The following TANC2 variants were observed in gnomAD, a reference collection of about 807,000 sequenced individuals.
The protein encoded by TANC2 is protein TANC2.
In TANC2, 26 loss-of-function variants were observed where a neutral mutation model predicts 210.5. The ratio of observed to expected loss-of-function variants is 0.12; its 90% CI spans 0.09 to 0.17. The LOEUF is 0.17. TANC2 is among the 10% of genes least tolerant of loss of function. TANC2 has a pLI of 1.00. For synonymous variants in TANC2, 931 were observed against 967.1 expected, an observed-to-expected ratio of 0.96 and a Z score of 0.69; for missense variants, 2,129 against 2,608.9, an observed-to-expected ratio of 0.82 and a Z score of 4.01.
In TANC2 at chr17:63,168,809, C is replaced by T. The variant is rs576431592; in HGVS notation, c.433+17429C>T. 1.1e-4 allele frequency among the ~76,000 whole-genome samples: 17 copies of T among 152,118 alleles called. 1 individual carries two copies. In the South Asian group the frequency reaches 2.7e-3, roughly 24 times the overall value. ...TGGAGAGTGGGAGAATGAAAATATC[C>T]GTTACTCACTTACTGTTAAAACATA... is the stretch of plus-strand genomic sequence containing the variant. On this transcript the variant is annotated intron_variant, in intron 5 of 27. Transcript: ENST00000689528.
rs1031992264 is a variant in TANC2, at chr17:63,420,208, A to T, written c.4478A>T (p.Asp1493Val). ...CATGAAGACATATACTCTGTACAGG[A>T]TATATTCGAGGAGGAGTACCTGGAA... Residue 1493 changes from aspartate to valine, a missense_variant, in exon 28 of 28, where the codon GAT becomes GTT. Coordinates refer to ENST00000689528, the Ensembl canonical transcript of TANC2. The surrounding 1 kb of genome is among the most constrained non-coding windows in gnomAD (Gnocchi z 4.2). The T allele has an allele frequency of 6.2e-7, 1 of 1,606,142 alleles. No homozygotes were observed. The highest frequency in any genetic ancestry group is 1.3e-5 in the African/African-American group (1 of 74,772).
chr17:63,132,559 A>G (rs1001146058), intron 4 of TANC2, among the ~76,000 whole-genome samples: 6 of 151,960 alleles, frequency 3.9e-5, no homozygotes, highest in Non-Finnish European at 7.4e-5. Flanking sequence ...CTCTTTTTTC[A>G]TGGTTTACTT....
intron 3 of TANC2, among the ~76,000 whole-genome samples, chr17:63,075,527 A>G (rs2036539463): frequency 6.7e-6 from 1 of 149,876 alleles, no homozygotes; most frequent in Non-Finnish European, 1.5e-5. Flanking sequence ...TATTCAAAAG[A>G]AATATATATA....
intron 2 of TANC2, among the ~76,000 whole-genome samples, chr17:63,052,395 A>T (rs928868793): frequency 3.9e-5 from 6 of 152,204 alleles, no homozygotes; most frequent in African/African-American, 1.4e-4. Context: ...ATTTCATTAT[A>T]CAGTCAAGTG....
chr17:63,241,809 A>G (rs1333873514), intron 8 of TANC2, among the ~76,000 whole-genome samples: 1 of 152,260 alleles, frequency 6.6e-6, no homozygotes, highest in Non-Finnish European at 1.5e-5. Context: ...TGAATTACAT[A>G]GAGCATCAGA....
chr17:63,192,646 T>C (rs922394942), intron 5 of TANC2, among the ~76,000 whole-genome samples: 18 of 152,190 alleles, frequency 1.2e-4, no homozygotes, highest in African/African-American at 3.4e-4. Flanking sequence ...ACTGGTTTTA[T>C]TACTTTGAGC....
At chr17:63,320,687 C>A (rs2045467683) in intron 11 of TANC2, among the ~76,000 whole-genome samples, 1 of 152,160 alleles carries the variant, frequency 6.6e-6, no homozygotes, top group Admixed American at 6.5e-5. Context: ...TGATACTATT[C>A]TTATTCCTAA....
At chr17:63,090,219 T>C (rs1253211286) in intron 3 of TANC2, among the ~76,000 whole-genome samples, 1 of 151,658 alleles carries the variant, frequency 6.6e-6, no homozygotes, top group Non-Finnish European at 1.5e-5. Flanking sequence ...TTTTGAGTTT[T>C]TTTTTTTTTG....
intron 9 of TANC2, among the ~76,000 whole-genome samples, chr17:63,299,862 C>G (rs2146480579): frequency 6.6e-6 from 1 of 152,228 alleles, no homozygotes; most frequent in East Asian, 1.9e-4. Flanking sequence ...TTGCCCATGC[C>G]TATGTCCTGA....
At chr17:63,348,155 T>A (rs965087743) in intron 12 of TANC2, among the ~76,000 whole-genome samples, 30 of 152,260 alleles carry the variant, frequency 2.0e-4, no homozygotes, top group African/African-American at 6.7e-4. Flanking sequence ...CTGATATGAG[T>A]CTTCTTTTTC....
intron 1 of TANC2, among the ~76,000 whole-genome samples, chr17:62,980,402 T>C (rs907011807): frequency 6.6e-6 from 1 of 152,222 alleles, no homozygotes; most frequent in Admixed American, 6.5e-5. Flanking sequence ...TTAGAAACTT[T>C]TTGAGTGCTG....
At chr17:63,172,923 G>A (rs1478678021) in intron 5 of TANC2, among the ~76,000 whole-genome samples, 2 of 152,070 alleles carry the variant, frequency 1.3e-5, no homozygotes, top group African/African-American at 4.8e-5. Flanking sequence ...ATATCTTTTA[G>A]TGGTTTTTGA....
intron 5 of TANC2, among the ~76,000 whole-genome samples, chr17:63,171,081 CTTTTTT>C (rs578140711): frequency 7.1e-5 from 7 of 98,078 alleles, no homozygotes; most frequent in African/African-American, 1.4e-4. Flanking sequence ...GTATTTCTTT[CTTTTTT>C]TTTTTTTTTT....
In TANC2 at chr17:63,077,158, T is replaced by A. The variant is rs1598360234; in HGVS notation, c.139+3144T>A. ...CATGCTTCTGGGGGGTGGGAGGGAA[T>A]GAGTTGGCTTTGCACTTCTCAGTCG... On this transcript the variant is annotated intron_variant, in intron 3 of 27. Transcript: ENST00000689528. Among the ~76,000 whole-genome samples, 7 of 152,262 alleles carry A rather than the reference T, an allele frequency of 4.6e-5. No homozygotes were observed. In the South Asian group the frequency reaches 1.2e-3, roughly 27 times the overall value.
chr17:63,131,332 A>G (rs373699226), intron 4 of TANC2, among the ~76,000 whole-genome samples: 1 of 152,224 alleles, frequency 6.6e-6, no homozygotes, highest in East Asian at 1.9e-4. Flanking sequence ...ATTGTCATGT[A>G]GAAATTCTGA....
chr17:63,255,983 GC>G (rs2043184845), intron 8 of TANC2, among the ~76,000 whole-genome samples: 1 of 132,788 alleles, frequency 7.5e-6, no homozygotes, highest in Non-Finnish European at 1.5e-5. Flanking sequence ...CCAGCTCATT[GC>G]AACCTCTTTC....
In TANC2 at chr17:63,245,524, A is replaced by G. The variant is rs193029000; in HGVS notation, c.1033+7447A>G. Among the ~76,000 whole-genome samples, 157 of 152,228 alleles carry G rather than the reference A, an allele frequency of 1.0e-3. 2 individuals are homozygous for G. The East Asian group carries it at 0.028, about 27-fold the overall frequency. ...GGAGTTCGAGACCAGCCTGAACAACATGGTGAAACCCCGTCTCTACTAAAA... is the reference window on the plus strand; with the variant it reads ...GGAGTTCGAGACCAGCCTGAACAACGTGGTGAAACCCCGTCTCTACTAAAA... On this transcript the variant is annotated intron_variant, in intron 8 of 27. Transcript: ENST00000689528.
At chr17:63,050,863 C>T (rs1321042416) in intron 2 of TANC2, among the ~76,000 whole-genome samples, 1 of 152,116 alleles carries the variant, frequency 6.6e-6, no homozygotes, top group Non-Finnish European at 1.5e-5. Flanking sequence ...TTGATGGCAG[C>T]GATTAAAATG....
intron 1 of TANC2, among the ~76,000 whole-genome samples, chr17:62,990,012 C>T (rs1166247077): frequency 2.0e-5 from 3 of 151,918 alleles, no homozygotes; most frequent in African/African-American, 4.8e-5. Flanking sequence ...CTCCTGACCT[C>T]GTGATCCGCC....
Sources: allele counts gnomAD v4.1 joint callset (sites outside exome capture counted in the v4.1 genomes callset), GRCh38; gene constraint gnomAD v4.1.1; non-coding constraint Gnocchi (gnomAD v3.1); transcripts MANE v1.5; gene names NCBI Gene and HGNC (gene_info 2026-07-23, HGNC 2026-07-21).